The following FAM168B variants were observed in gnomAD, a reference collection of about 807,000 sequenced individuals.
FAM168B encodes family with sequence similarity 168 member B, also known as myelin-associated neurite-outgrowth inhibitor.
In FAM168B, 19 loss-of-function variants were observed where a neutral mutation model predicts 21.8. The observed-to-expected ratio is 0.87, with a 90% CI of 0.61 to 1.28. The LOEUF (loss-of-function observed/expected upper bound fraction) is 1.28, where lower values mean the gene tolerates loss of function less well. Ranked by LOEUF, FAM168B falls within the 50% of genes most tolerant of loss-of-function variation. FAM168B has a pLI of 0.00. For synonymous variants in FAM168B, 126 were observed against 104.8 expected (o/e 1.20, Z -1.24); for missense variants, 233 against 263.1 (o/e 0.89, Z 0.79).
intron 1 of FAM168B, 43 bp downstream of exon 1, chr2:131,093,171 T>G (rs1694128162): frequency 6.6e-6 from 1 of 150,542 alleles, no homozygotes; most frequent in Admixed American, 6.6e-5. Flanking sequence ...GCGCCGCACT[T>G]CCGGCCTGGA....
chr2:131,054,579 G>C (rs538255232), intron 5 of FAM168B, among the ~76,000 whole-genome samples: 1 of 152,306 alleles, frequency 6.6e-6, no homozygotes, highest in African/African-American at 2.4e-5. Flanking sequence ...AACAAGGAGG[G>C]AACAGTACGC....
rs1694139399 is a variant in FAM168B, at chr2:131,093,386, G to C, written c.-184C>G. ...CGGACGCCGCGCTCCCGCTCGCTCG[G>C]CTCCGCTTGGCCCGGCCCGCCTCTC... On this transcript the variant is annotated 5_prime_UTR_variant, in exon 1 of 7. Transcript: ENST00000389915. 1 of 150,812 alleles carries C rather than the reference G, an allele frequency of 6.6e-6. No homozygotes were observed. The highest frequency in any genetic ancestry group is 2.4e-5 in the African/African-American group (1 of 41,292). The allele number at this position is 150,812 out of a possible 1,614,324, so 9.3% of individuals were successfully genotyped here. A position where few individuals can be genotyped will look rare whatever the true frequency, so the allele number is the denominator to read the frequency against.
intron 3 of FAM168B, among the ~76,000 whole-genome samples, chr2:131,063,256 A>AT (rs1184699107): frequency 6.6e-6 from 1 of 152,158 alleles, no homozygotes; most frequent in Non-Finnish European, 1.5e-5. Flanking sequence ...GACATCTGAA[A>AT]TTTTTTACAA....
At chr2:131,083,376 AAAAAC>A (rs1257134387) in intron 1 of FAM168B, among the ~76,000 whole-genome samples, 2 of 150,308 alleles carry the variant, frequency 1.3e-5, no homozygotes, top group African/African-American at 5.0e-5. Context: ...AAAACAAAAC[AAAAAC>A]AAACAAAAAT....
chr2:131,083,377 AAAAC>A (rs780968689), intron 1 of FAM168B, among the ~76,000 whole-genome samples: 6 of 150,298 alleles, frequency 4.0e-5, no homozygotes, highest in Admixed American at 1.3e-4. Context: ...AAACAAAACA[AAAAC>A]AAACAAAAAT....
intron 5 of FAM168B, among the ~76,000 whole-genome samples, chr2:131,054,134 A>C (rs1691865584): frequency 6.6e-6 from 1 of 151,936 alleles, no homozygotes; most frequent in African/African-American, 2.4e-5. Flanking sequence ...ACTTGAACCT[A>C]GGAGGCAGAG....
At chr2:131,068,008 T>C (rs1288657374) in intron 3 of FAM168B, among the ~76,000 whole-genome samples, 1 of 152,088 alleles carries the variant, frequency 6.6e-6, no homozygotes. Flanking sequence ...CACTGGACTT[T>C]ACCCTGGGTG....
At chr2:131,087,063 C>CAA (rs70994735) in intron 1 of FAM168B, among the ~76,000 whole-genome samples, 3,625 of 40,248 alleles carry the variant, frequency 0.09, 745 homozygotes, top group Middle Eastern at 0.11. Flanking sequence ...GACTCCGTCT[C>CAA]AAAAAAAAAA....
chr2:131,052,356 G>T lies in FAM168B; in HGVS notation c.*109C>A. ...ATATAGTCGTGTTTAGCTAAGTGTC[G>T]AGAGCATTAAGAAGAAAGTCCTGGT... On this transcript the variant is annotated 3_prime_UTR_variant, in exon 7 of 7. Coordinates refer to ENST00000389915, the MANE Select transcript of FAM168B (RefSeq NM_001009993.4). The T allele has an allele frequency of 4.1e-6, 4 of 986,306 alleles. No homozygotes were observed. The highest frequency in any genetic ancestry group is 3.6e-6 in the Non-Finnish European group (3 of 830,242). 61.1% of individuals were successfully genotyped at this position (986,306 alleles called of 1,614,324 possible).
intron 3 of FAM168B, among the ~76,000 whole-genome samples, chr2:131,068,909 G>A (rs549643747): frequency 5.3e-5 from 8 of 152,250 alleles, no homozygotes; most frequent in South Asian, 4.2e-4. Flanking sequence ...CCAGCTACTC[G>A]GGAGGCTGAG....
At chr2:131,071,693 G>T (rs1050563586) in intron 3 of FAM168B, among the ~76,000 whole-genome samples, 162 bp downstream of exon 3, 3 of 152,168 alleles carry the variant, frequency 2.0e-5, no homozygotes, top group Non-Finnish European at 4.4e-5. Flanking sequence ...CTTCAGTGCA[G>T]TAAGAATTAA....
In FAM168B at chr2:131,048,904, C is replaced by T. The variant is rs1407939876; in HGVS notation, c.*3561G>A. On this transcript the variant is annotated 3_prime_UTR_variant, in exon 7 of 7. Coordinates refer to ENST00000389915, the MANE Select transcript of FAM168B (RefSeq NM_001009993.4). ...CCTGTCCGGGCAACAGCCAAACTGG[C>T]GACAATGGACACATCCAACAGTCAG... is the stretch of plus-strand genomic sequence containing the variant. 3 of 985,950 alleles carry T rather than the reference C, an allele frequency of 3.0e-6. No individual in the cohort carries two copies. Among genetic ancestry groups the T allele is most frequent in the East Asian group, 1.1e-4 (1 of 8,820 alleles). The allele number at this position is 985,950 out of a possible 1,614,324, so 61.1% of individuals were successfully genotyped here. A position where few individuals can be genotyped will look rare whatever the true frequency, so the allele number is the denominator to read the frequency against.
chr2:131,054,885 C>T (rs973850219), intron 5 of FAM168B, among the ~76,000 whole-genome samples: 18 of 152,176 alleles, frequency 1.2e-4, no homozygotes, highest in Admixed American at 6.5e-5. Context: ...GAAAACATCC[C>T]GATGAAGACA....
At position 131,052,324 on chromosome 2, in the gene FAM168B, G is replaced by A; in HGVS notation, c.*141C>T. On this transcript the variant is annotated 3_prime_UTR_variant, in exon 7 of 7. Coordinates refer to ENST00000389915, the MANE Select transcript of FAM168B (RefSeq NM_001009993.4). ...AGACTAACGGCGCTGGGGCCTGCTGGGCCGGGATATAGTCGTGTTTAGCTA... is the reference window on the plus strand; with the variant it reads ...AGACTAACGGCGCTGGGGCCTGCTGAGCCGGGATATAGTCGTGTTTAGCTA... The A allele has an allele frequency of 1.0e-6, 1 of 986,026 alleles. No homozygotes were observed. The highest frequency in any genetic ancestry group is 1.2e-6 in the Non-Finnish European group (1 of 830,074). 61.1% of individuals were successfully genotyped at this position (986,026 alleles called of 1,614,324 possible). A position where few individuals can be genotyped will look rare whatever the true frequency, so the allele number is the denominator to read the frequency against.
chr2:131,054,998 G>A (rs79308694), intron 5 of FAM168B, among the ~76,000 whole-genome samples: 1 of 152,254 alleles, frequency 6.6e-6, no homozygotes, highest in South Asian at 2.1e-4. Flanking sequence ...CATGGTCATA[G>A]GGGGTGGGAG....
At chr2:131,054,969 T>C (rs1462014269) in intron 5 of FAM168B, among the ~76,000 whole-genome samples, 2 of 152,094 alleles carry the variant, frequency 1.3e-5, no homozygotes, top group Admixed American at 1.3e-4. Flanking sequence ...CAAAGTGTCC[T>C]CCTTCTACTC....
chr2:131,086,922 G>A (rs1442657746), intron 1 of FAM168B, among the ~76,000 whole-genome samples: 5 of 129,622 alleles, frequency 3.9e-5, no homozygotes, highest in Admixed American at 7.2e-5. Flanking sequence ...AAAATTAGCC[G>A]GGCGAGGTGG....
At chr2:131,070,702 T>C (rs1215083765) in intron 3 of FAM168B, among the ~76,000 whole-genome samples, 4 of 152,246 alleles carry the variant, frequency 2.6e-5, no homozygotes, top group Non-Finnish European at 5.9e-5. Context: ...TTTATTTCCA[T>C]ACAACAAAAT....
At chr2:131,090,387 A>G (rs573607865) in intron 1 of FAM168B, among the ~76,000 whole-genome samples, 2 of 152,142 alleles carry the variant, frequency 1.3e-5, no homozygotes, top group Non-Finnish European at 2.9e-5. Flanking sequence ...GTTTGGAAAC[A>G]TACCATCTCT....
Sources: gnomAD v4.1 joint callset for allele counts (sites outside exome capture counted in the v4.1 genomes callset) on GRCh38, gnomAD v4.1.1 for gene constraint, MANE v1.5 for transcripts, NCBI Gene and HGNC (gene_info 2026-07-23, HGNC 2026-07-21) for gene names.